VEZT: variants seen among roughly 807,000 people sequenced by gnomAD.
VEZT encodes the protein vezatin.
A neutral mutation model predicts 79.9 loss-of-function variants in VEZT; 39 were observed. The ratio of observed to expected loss-of-function variants is 0.49; its 90% CI spans 0.38 to 0.64. The LOEUF is 0.64. Ranked by LOEUF, VEZT falls within the 30% of genes least tolerant of loss-of-function variation. The probability of loss-of-function intolerance (pLI) is 0.00; values close to 1 mark genes in which losing one functional copy is unlikely to be tolerated. For synonymous variants in VEZT, 325 were observed against 327.6 expected (o/e 0.99, Z 0.09); for missense variants, 837 against 893.1 (o/e 0.94, Z 0.80).
chr12:95,270,951 G>C (rs2066472943), intron 6 of VEZT, among the ~76,000 whole-genome samples: 1 of 152,194 alleles, frequency 6.6e-6, no homozygotes, highest in South Asian at 2.1e-4. Flanking sequence ...TGCCACTTCA[G>C]AATGCTGGGT....
In VEZT at chr12:95,256,672, A is replaced by G. The variant is rs543558301; in HGVS notation, c.169-478A>G. The stretch of plus-strand genomic sequence containing the variant: ...AGTAGTAAAGCTTTTTTATCAATAT[A>G]TGACAGTTTTTCTAAAATGGTCAAA... On this transcript the variant is annotated intron_variant, in intron 2 of 11. Coordinates refer to ENST00000436874, the MANE Select transcript of VEZT (RefSeq NM_017599.4). 99 of 1,045,494 alleles carry G rather than the reference A, an allele frequency of 9.5e-5. No homozygotes were observed. In the Middle Eastern group the frequency reaches 2.0e-3, roughly 21 times the overall value. The allele number at this position is 1,045,494 out of a possible 1,614,324, so 64.8% of individuals were successfully genotyped here. A position where few individuals can be genotyped will look rare whatever the true frequency, so the allele number is the denominator to read the frequency against.
chr12:95,277,940 G>A (rs1004008984), intron 7 of VEZT, among the ~76,000 whole-genome samples: 2 of 152,182 alleles, frequency 1.3e-5, no homozygotes, highest in Admixed American at 1.3e-4. Flanking sequence ...TCTTTATGCT[G>A]TTGATGTACT....
chr12:95,249,325 G>A (rs904774089), intron 1 of VEZT, among the ~76,000 whole-genome samples: 3 of 151,990 alleles, frequency 2.0e-5, no homozygotes, highest in Admixed American at 6.6e-5. Context: ...ATGTAAGGTC[G>A]GCCCAAACAA....
chr12:95,270,910 C>G (rs1230009268), intron 6 of VEZT, among the ~76,000 whole-genome samples: 2 of 152,142 alleles, frequency 1.3e-5, no homozygotes, highest in African/African-American at 4.8e-5. Flanking sequence ...TAAGTTAAAT[C>G]CTGACTAAGT....
At chr12:95,266,885 T>C (rs2065637865) in intron 5 of VEZT, among the ~76,000 whole-genome samples, 2 of 152,234 alleles carry the variant, frequency 1.3e-5, no homozygotes, top group Admixed American at 1.3e-4. Flanking sequence ...TATTTCTGTA[T>C]GTTACCATGT....
intron 11 of VEZT, 120 bp downstream of exon 11, chr12:95,296,378 A>G (rs1307934684): frequency 1.9e-5 from 16 of 829,672 alleles, no homozygotes; most frequent in Non-Finnish European, 2.6e-5. Context: ...ACCAGTATGC[A>G]TAGTACTTTT....
intron 2 of VEZT, among the ~76,000 whole-genome samples, chr12:95,255,633 A>G (rs1479337892): frequency 6.6e-6 from 1 of 151,844 alleles, no homozygotes; most frequent in Non-Finnish European, 1.5e-5. Flanking sequence ...GGGTTTCACT[A>G]TGTTGGCCAG....
Position 95,245,205 on chromosome 12 carries a change from G to T in VEZT, c.37-6735G>T, listed in dbSNP as rs2137522566. On this transcript the variant is annotated intron_variant, in intron 1 of 11. Coordinates refer to ENST00000436874, the MANE Select transcript of VEZT (RefSeq NM_017599.4). ...GCCAAGATCGTGCCACTGCACTCCA[G>T]CCTGGGTGAAAGGGGGACTCTGTCT... is the stretch of plus-strand genomic sequence containing the variant. Among the ~76,000 whole-genome samples the T allele has an allele frequency of 2.6e-5, 4 of 152,324 alleles. No individual in the cohort carries two copies. The South Asian group carries it at 8.3e-4, about 32-fold the overall frequency.
At chr12:95,228,941 G>C (rs2058863097) in intron 1 of VEZT, among the ~76,000 whole-genome samples, 2 of 152,172 alleles carry the variant, frequency 1.3e-5, no homozygotes, top group Admixed American at 6.5e-5. Flanking sequence ...GGTTGAGGCT[G>C]CAGTGAGCTG....
intron 2 of VEZT, among the ~76,000 whole-genome samples, chr12:95,252,904 G>A (rs369258589): frequency 6.6e-6 from 1 of 152,192 alleles, no homozygotes; most frequent in Non-Finnish European, 1.5e-5. Context: ...GGCGGAGGTG[G>A]CAGTGAACCA....
chr12:95,244,009 A>T (rs140245486), intron 1 of VEZT: 9 of 456,052 alleles, frequency 2.0e-5, no homozygotes, highest in African/African-American at 1.8e-4. Context: ...CTATGAGCTA[A>T]GTAAGCTTCT....
rs1340912719 is a variant in VEZT, at chr12:95,239,955, AGAGAGAGAGAGAGAGAGAGAGAGAGAG to A, written c.37-11971_37-11945del. On this transcript the variant is annotated intron_variant, in intron 1 of 11. Coordinates refer to ENST00000436874, the MANE Select transcript of VEZT (RefSeq NM_017599.4). ...CAACAGAGGGAGACTCGAAAGAGAG[AGAGAGAGAGAGAGAGAGAGAGAGAGAG>A]GAGAGAGAGAGAGGAGACAGAGAGA... Among the ~76,000 whole-genome samples, 17 of 73,134 alleles carry A rather than the reference AGAGAGAGAGAGAGAGAGAGAGAGAGAG, an allele frequency of 2.3e-4. No individual in the cohort carries two copies. The East Asian group carries it at 6.9e-3, about 30-fold the overall frequency. The allele number at this position is 73,134 out of a possible 152,430, so 48.0% of individuals were successfully genotyped here. A position where few individuals can be genotyped will look rare whatever the true frequency, so the allele number is the denominator to read the frequency against.
intron 8 of VEZT, among the ~76,000 whole-genome samples, chr12:95,283,795 T>G (rs928218764): frequency 3.3e-5 from 5 of 152,324 alleles, no homozygotes; most frequent in African/African-American, 1.2e-4. Context: ...ATTCCAGTGG[T>G]CTATATCTGC....
chr12:95,289,552 A>G (rs1234888955), intron 9 of VEZT, among the ~76,000 whole-genome samples: 1 of 151,704 alleles, frequency 6.6e-6, no homozygotes, highest in Admixed American at 6.6e-5. Flanking sequence ...TCTCCACCTC[A>G]TTGGGTAGGT....
intron 1 of VEZT, among the ~76,000 whole-genome samples, chr12:95,231,944 C>T (rs925735278): frequency 1.3e-5 from 2 of 152,052 alleles, no homozygotes; most frequent in African/African-American, 4.8e-5. Flanking sequence ...TAAGTAGATT[C>T]CTCATTAAAA....
At chr12:95,233,431 A>G (rs1393885685) in intron 1 of VEZT, among the ~76,000 whole-genome samples, 1 of 151,822 alleles carries the variant, frequency 6.6e-6, no homozygotes, top group Non-Finnish European at 1.5e-5. Context: ...ACAGAGTCTC[A>G]CTCTCTTGCC....
rs539458506 is a variant in VEZT, at chr12:95,282,941, A to G, written c.1328+297A>G. Among the ~76,000 whole-genome samples, 27 of 152,368 alleles carry G rather than the reference A, an allele frequency of 1.8e-4. No individual in the cohort carries two copies. The South Asian group carries it at 5.4e-3, about 30-fold the overall frequency. The stretch of plus-strand genomic sequence containing the variant: ...TTTGAGAGCTGAAATGGAGATGGTT[A>G]TAAAGAATGAGTTTCTTTTAACTGT... On this transcript the variant is annotated intron_variant, in intron 8 of 11. Transcript: ENST00000436874.
rs567951556 is a variant in VEZT at position 95,231,814 on chromosome 12, G to A, written c.36+13928G>A. ...ATTTCAGATTATATTTTGTGATTGCGTACTGAATTAAAGATAAGTGAAAAG... is the reference window on the plus strand; with the variant it reads ...ATTTCAGATTATATTTTGTGATTGCATACTGAATTAAAGATAAGTGAAAAG... On this transcript the variant is annotated intron_variant, in intron 1 of 11. Transcript: ENST00000436874. Among the ~76,000 whole-genome samples, 53 of 152,196 alleles carry A rather than the reference G, an allele frequency of 3.5e-4. 1 individual carries two copies. The highest frequency in any genetic ancestry group is 1.7e-3 in the East Asian group (9 of 5,180).
chr12:95,219,217 A>AT (rs942203818), intron 1 of VEZT, among the ~76,000 whole-genome samples: 3 of 151,918 alleles, frequency 2.0e-5, no homozygotes, highest in Admixed American at 6.6e-5. Context: ...TGATGGGTGT[A>AT]TTTTTTTTAC....
Sources: gnomAD v4.1 joint callset for allele counts (sites outside exome capture counted in the v4.1 genomes callset) on GRCh38, gnomAD v4.1.1 for gene constraint, MANE v1.5 for transcripts, NCBI Gene and HGNC (gene_info 2026-07-23, HGNC 2026-07-21) for gene names.